NTN1: variants seen among roughly 807,000 people sequenced by gnomAD.
NTN1 encodes the protein netrin-1.
A neutral mutation model predicts 54.2 loss-of-function variants in NTN1; 11 were observed. The ratio of observed to expected loss-of-function variants is 0.20; its 90% CI spans 0.13 to 0.34. NTN1 has a LOEUF of 0.34. NTN1 is among the 10% of genes least tolerant of loss of function. NTN1 has a pLI of 1.00. For synonymous variants in NTN1, 371 were observed against 382.0 expected (o/e 0.97, Z 0.33); for missense variants, 740 against 893.1 (o/e 0.83, Z 2.18).
intron 6 of NTN1, among the ~76,000 whole-genome samples, chr17:9,227,660 C>CATCACACACT (rs1905637552): frequency 3.9e-5 from 1 of 25,502 alleles, no homozygotes; most frequent in Non-Finnish European, 7.7e-5. Context: ...CATCACATAC[C>CATCACACACT]ACACACATCA....
At position 9,180,618 on chromosome 17, in the gene NTN1, G is replaced by A. The variant is rs116274305; in HGVS notation, c.1357+662G>A. Among the ~76,000 whole-genome samples, 1,144 of 152,274 alleles carry A rather than the reference G, an allele frequency of 7.5e-3. 9 individuals are homozygous for A. Among genetic ancestry groups the A allele is most frequent in the African/African-American group, 0.012 (489 of 41,542 alleles). On this transcript the variant is annotated intron_variant, in intron 4 of 6. Transcript: ENST00000173229. ...CAGGAGTGCTGTTGTCACTATTGCCGGAATGCCGGCATTCCCCCTGCCCCT... is the reference window on the plus strand; with the variant it reads ...CAGGAGTGCTGTTGTCACTATTGCCAGAATGCCGGCATTCCCCCTGCCCCT...
intron 2 of NTN1, among the ~76,000 whole-genome samples, chr17:9,094,231 A>T (rs765735541): frequency 1.1e-4 from 16 of 152,168 alleles, no homozygotes; most frequent in Non-Finnish European, 4.4e-5. Context: ...GCATCTTAGT[A>T]CATGAATGTA....
intron 2 of NTN1, among the ~76,000 whole-genome samples, chr17:9,145,356 A>G (rs1040336110): frequency 4.6e-5 from 7 of 152,194 alleles, no homozygotes; most frequent in African/African-American, 1.7e-4. Context: ...AGGGGAACTA[A>G]TGTCATAAAA....
intron 2 of NTN1, among the ~76,000 whole-genome samples, chr17:9,082,592 T>C (rs975722258): frequency 9.2e-5 from 14 of 152,088 alleles, no homozygotes; most frequent in African/African-American, 3.1e-4. Flanking sequence ...TGTGGGGCCG[T>C]GAGCAGCGCA....
the NTN1 span, among the ~76,000 whole-genome samples, chr17:9,009,071 C>CA: frequency 1.6e-3 from 236 of 152,198 alleles, no homozygotes; most frequent in African/African-American, 5.1e-3. Context: ...CAAAACAAAA[C>CA]AAAAAAAGCT....
Position 9,023,024 on chromosome 17 carries a change from C to G in NTN1, c.651C>G (p.Leu217=), listed in dbSNP as rs1185818096. 4.4e-6 allele frequency: 7 copies of G among 1,599,956 alleles called. No homozygotes were observed. The highest frequency in any genetic ancestry group is 1.3e-5 in the African/African-American group (1 of 74,570). Residue 217 remains leucine (L), a synonymous_variant, in exon 2 of 7, where the codon CTC becomes CTG. Coordinates refer to ENST00000173229, the MANE Select transcript of NTN1 (RefSeq NM_004822.3). Reference sequence around the variant, plus strand: ...ACATGCGCCCGCTCTCGGGCGGCCTCATCGCCTTCAGCACGCTGGACGGGC... The same window carrying G: ...ACATGCGCCCGCTCTCGGGCGGCCTGATCGCCTTCAGCACGCTGGACGGGC... ...HTDMRPLSGG[L]IAFSTLDGRP... is the part of the protein sequence containing the mutation.
intron 2 of NTN1, among the ~76,000 whole-genome samples, chr17:9,057,024 TTCTC>T: frequency 6.6e-6 from 1 of 152,118 alleles, no homozygotes; most frequent in Non-Finnish European, 1.5e-5. Flanking sequence ...TTAGGATTCT[TTCTC>T]CATGCAAAAT....
At chr17:9,093,385 C>A (rs2092119799) in intron 2 of NTN1, among the ~76,000 whole-genome samples, 1 of 152,112 alleles carries the variant, frequency 6.6e-6, no homozygotes, top group African/African-American at 2.4e-5. Context: ...ATTTTAGAGA[C>A]AAGGTCTCAC....
chr17:9,090,395 C>T (rs934941142), intron 2 of NTN1, among the ~76,000 whole-genome samples: 7 of 152,002 alleles, frequency 4.6e-5, no homozygotes, highest in Non-Finnish European at 7.4e-5. Flanking sequence ...AGAACAGTCT[C>T]GATCTCTTGA....
chr17:9,160,390 C>G (rs568252826), intron 2 of NTN1, among the ~76,000 whole-genome samples: 418 of 152,190 alleles, frequency 2.7e-3, no homozygotes, highest in Non-Finnish European at 4.0e-3. Flanking sequence ...TAGCTGTGAG[C>G]CACCATGCCC....
At chr17:9,043,386 A>T (rs2091929226) in intron 2 of NTN1, among the ~76,000 whole-genome samples, 1 of 152,214 alleles carries the variant, frequency 6.6e-6, no homozygotes, top group African/African-American at 2.4e-5. Flanking sequence ...GAGCAAAATT[A>T]TTCCCATTTT....
In NTN1 at chr17:9,243,110, C is replaced by G. The variant is rs1906278268; in HGVS notation, c.*3142C>G. 2 of 152,228 alleles carry G rather than the reference C, an allele frequency of 1.3e-5. No individual in the cohort carries two copies. The highest frequency in any genetic ancestry group is 1.3e-4 in the Admixed American group (2 of 15,284). 9.4% of individuals were successfully genotyped at this position (152,228 alleles called of 1,614,324 possible). Reference sequence around the variant, plus strand: ...GCTGAGTGCCTGCTTTACGGACACGCAGTAATGCCGAAGATTTGCGGGGGA... The same window carrying G: ...GCTGAGTGCCTGCTTTACGGACACGGAGTAATGCCGAAGATTTGCGGGGGA... On this transcript the variant is annotated 3_prime_UTR_variant, in exon 7 of 7. Transcript: ENST00000173229.
the NTN1 span, among the ~76,000 whole-genome samples, chr17:9,012,870 T>A: frequency 6.6e-6 from 1 of 152,260 alleles, no homozygotes; most frequent in African/African-American, 2.4e-5. Context: ...CCTGTTTCAT[T>A]TCCAATTCTC....
At chr17:9,182,797 A>AGG in intron 4 of NTN1, 119 bp from the exon 5 acceptor site, 3 of 996,866 alleles carry the variant, frequency 3.0e-6, no homozygotes, top group South Asian at 1.3e-5. Flanking sequence ...TGGGAAACGG[A>AGG]GGGGAGGGTC....
intron 2 of NTN1, among the ~76,000 whole-genome samples, chr17:9,130,603 C>A (rs2092261617): frequency 6.6e-6 from 1 of 152,174 alleles, no homozygotes; most frequent in Non-Finnish European, 1.5e-5. Context: ...TTCTTCCAGA[C>A]CTGCCCTCAC....
chr17:9,067,551 C>T (rs2092019222), intron 2 of NTN1, among the ~76,000 whole-genome samples: 1 of 152,216 alleles, frequency 6.6e-6, no homozygotes, highest in Non-Finnish European at 1.5e-5. Flanking sequence ...ACACAGCCAC[C>T]AGAGCTGCCT....
chr17:9,117,877 C>T (rs2092219550), intron 2 of NTN1, among the ~76,000 whole-genome samples: 1 of 151,988 alleles, frequency 6.6e-6, no homozygotes. Context: ...AAAAGAGTCT[C>T]TGCCTGTTGG....
chr17:9,009,918 C>T, the NTN1 span, among the ~76,000 whole-genome samples: 1 of 152,164 alleles, frequency 6.6e-6, no homozygotes, highest in Admixed American at 6.5e-5. Context: ...TGCTCAACCT[C>T]CCTGACGTCA....
intron 2 of NTN1, among the ~76,000 whole-genome samples, chr17:9,156,995 A>G (rs1037262216): frequency 3.8e-5 from 4 of 104,386 alleles, no homozygotes; most frequent in African/African-American, 1.5e-4. Context: ...AACCCCATCC[A>G]TCCGTCCATC....
Sources: allele counts gnomAD v4.1 joint callset (sites outside exome capture counted in the v4.1 genomes callset), GRCh38; gene constraint gnomAD v4.1.1; transcripts MANE v1.5; gene names NCBI Gene and HGNC (gene_info 2026-07-23, HGNC 2026-07-21).